Variants in NAA25 observed in about 807,000 individuals in gnomAD.
NAA25 encodes the protein N-terminal acetyltransferase B complex subunit NAA25.
NAA25 carries 30 observed loss-of-function variants against 132.5 expected under a neutral mutation model. That is an observed-to-expected ratio of 0.23 (90% CI 0.17 to 0.31). The LOEUF (loss-of-function observed/expected upper bound fraction) is 0.31, where lower values mean the gene tolerates loss of function less well. NAA25 is among the 10% of genes least tolerant of loss of function. The probability of loss-of-function intolerance (pLI) is 1.00; values close to 1 mark genes in which losing one functional copy is unlikely to be tolerated. For synonymous variants in NAA25, 359 were observed against 401.9 expected (o/e 0.89, Z 1.28); for missense variants, 771 against 1,150.4 (o/e 0.67, Z 4.77).
intron 14 of NAA25, 77 bp downstream of exon 14, chr12:112,054,311 T>C: frequency 7.6e-7 from 1 of 1,310,066 alleles, no homozygotes; most frequent in Non-Finnish European, 1.0e-6. Flanking sequence ...CAATCAACTT[T>C]AAAATCTAAG....
chr12:112,091,793 C>A (rs548031135), intron 2 of NAA25, among the ~76,000 whole-genome samples: 13 of 151,832 alleles, frequency 8.6e-5, no homozygotes, highest in Non-Finnish European at 1.3e-4. Flanking sequence ...GCCTAGAAGG[C>A]CAAGGCTGTA....
At chr12:112,066,093 C>G (rs2078714427) in intron 11 of NAA25, among the ~76,000 whole-genome samples, 1 of 152,176 alleles carries the variant, frequency 6.6e-6, no homozygotes, top group Admixed American at 6.5e-5. Flanking sequence ...ATAGACGATT[C>G]TTACTATGTG....
intron 23 of NAA25, among the ~76,000 whole-genome samples, chr12:112,032,356 T>C (rs974871054): frequency 6.6e-6 from 1 of 152,198 alleles, no homozygotes; most frequent in Non-Finnish European, 1.5e-5. Context: ...CTAACGTTTT[T>C]AAGCTTTACA....
intron 1 of NAA25, among the ~76,000 whole-genome samples, chr12:112,102,368 G>A (rs796766617): frequency 2.1e-4 from 31 of 151,088 alleles, no homozygotes; most frequent in African/African-American, 7.3e-4. Flanking sequence ...GCAAGACCTT[G>A]TCTCCAAAAA....
At chr12:112,041,909 T>C (rs978491851) in intron 20 of NAA25, 130 bp downstream of exon 20, 1 of 566,176 alleles carries the variant, frequency 1.8e-6, no homozygotes, top group Non-Finnish European at 3.1e-6. Flanking sequence ...CATCTAGGAG[T>C]ATTGACTCCA....
At chr12:112,073,965 C>CAAGA (rs1407115711) in intron 9 of NAA25, among the ~76,000 whole-genome samples, 2 of 152,004 alleles carry the variant, frequency 1.3e-5, no homozygotes, top group Admixed American at 1.3e-4. Flanking sequence ...GAAAGATGTT[C>CAAGA]AAGATATATT....
At chr12:112,045,093 A>G (rs1281987235) in intron 17 of NAA25, among the ~76,000 whole-genome samples, 2 of 152,102 alleles carry the variant, frequency 1.3e-5, no homozygotes, top group Non-Finnish European at 2.9e-5. Context: ...AGAAAAATGT[A>G]AAACGTAGAA....
chr12:112,044,703 C>A (rs1317290011), intron 17 of NAA25, among the ~76,000 whole-genome samples: 1 of 151,104 alleles, frequency 6.6e-6, no homozygotes, highest in Non-Finnish European at 1.5e-5. Context: ...ACAAAAAAAA[C>A]AGGTCATTTT....
intron 9 of NAA25, among the ~76,000 whole-genome samples, chr12:112,073,713 G>A (rs1031080066): frequency 7.2e-5 from 11 of 152,056 alleles, no homozygotes; most frequent in African/African-American, 1.7e-4. Flanking sequence ...GATAACAGGC[G>A]TGAGCCACTG....
intron 1 of NAA25, among the ~76,000 whole-genome samples, chr12:112,103,739 A>T (rs577604336): frequency 1.8e-4 from 28 of 152,224 alleles, no homozygotes; most frequent in Admixed American, 5.2e-4. Flanking sequence ...GGCACTAGGG[A>T]CCGATTTCAT....
At chr12:112,084,659 G>A (rs747026920) in intron 4 of NAA25, among the ~76,000 whole-genome samples, 15 of 151,150 alleles carry the variant, frequency 9.9e-5, no homozygotes, top group African/African-American at 3.4e-4. Flanking sequence ...GCTTAGTGGC[G>A]CGTGCCTGTA....
intron 1 of NAA25, among the ~76,000 whole-genome samples, chr12:112,102,236 G>A (rs2079305571): frequency 6.6e-6 from 1 of 152,074 alleles, no homozygotes; most frequent in African/African-American, 2.4e-5. Flanking sequence ...AGCCAGGCAT[G>A]GTGGCATGTG....
Position 112,061,330 on chromosome 12 carries a change from G to A in NAA25, c.1208C>T (p.Ala403Val). 1.2e-6 allele frequency: 2 copies of A among 1,614,138 alleles called. No individual in the cohort carries two copies. The highest frequency in any genetic ancestry group is 8.5e-7 in the Non-Finnish European group (1 of 1,180,024). The change falls in exon 12 of 24, where the codon GCA becomes GTA. Residue 403 changes from alanine (A) to valine (V), a missense_variant. Coordinates refer to ENST00000261745, the MANE Select transcript of NAA25 (RefSeq NM_024953.4). ...PLSTPTEDKLALPADIRALQQ... is the reference protein window; with the variant it reads ...PLSTPTEDKLVLPADIRALQQ... ...CAGAGCTCTGATGTCAGCAGGCAGT[G>A]CCAGCTTATCCTCTGTTGGTGTCGA...
chr12:112,035,993 T>A (rs1024086245), intron 22 of NAA25, among the ~76,000 whole-genome samples: 1 of 152,142 alleles, frequency 6.6e-6, no homozygotes, highest in African/African-American at 2.4e-5. Flanking sequence ...GCCAACATTT[T>A]CAAATGATAA....
intron 7 of NAA25, 65 bp downstream of exon 7, chr12:112,078,123 C>T (rs1301057409): frequency 4.3e-6 from 5 of 1,159,766 alleles, no homozygotes; most frequent in Non-Finnish European, 5.0e-6. Context: ...AAATTTTCTA[C>T]AATAAACATT....
Position 112,027,202 on chromosome 12 carries a change from C to T in NAA25, c.*2329G>A, listed in dbSNP as rs1047836734. The stretch of plus-strand genomic sequence containing the variant: ...ACAAAAACAAACAAAACAAAAAAAC[C>T]CATACAAATCAAAAACAGCAGCAGC... On this transcript the variant is annotated 3_prime_UTR_variant, in exon 24 of 24. Coordinates refer to ENST00000261745, the MANE Select transcript of NAA25 (RefSeq NM_024953.4). 1.3e-5 allele frequency: 2 copies of T among 152,246 alleles called. No homozygotes were observed. The allele number at this position is 152,246 out of a possible 1,614,324, so 9.4% of individuals were successfully genotyped here.
At chr12:112,036,876 CGT>C (rs146916262) in intron 22 of NAA25, among the ~76,000 whole-genome samples, 457 of 147,938 alleles carry the variant, frequency 3.1e-3, no homozygotes, top group African/African-American at 8.4e-3. Context: ...ACTGTGTGTG[CGT>C]GTGTGTGTGT....
intron 11 of NAA25, 100 bp from the exon 12 acceptor site, chr12:112,061,488 G>C: frequency 2.7e-6 from 2 of 748,380 alleles, no homozygotes; most frequent in Non-Finnish European, 4.1e-6. Context: ...AAGACATCAA[G>C]AAAAAAAAAA....
At chr12:112,041,125 G>C (rs1243026569) in intron 20 of NAA25, among the ~76,000 whole-genome samples, 3 of 150,902 alleles carry the variant, frequency 2.0e-5, no homozygotes, top group African/African-American at 7.3e-5. Context: ...AGTCCATCCT[G>C]AGCAACACAA....
Sources: allele counts gnomAD v4.1 joint callset (sites outside exome capture counted in the v4.1 genomes callset), GRCh38; gene constraint gnomAD v4.1.1; transcripts MANE v1.5; gene names NCBI Gene and HGNC (gene_info 2026-07-23, HGNC 2026-07-21).